Variants in FAM169A observed in about 807,000 individuals in gnomAD.
FAM169A encodes the protein soluble lamin-associated protein of 75 kDa.
Under a neutral mutation model 75.7 loss-of-function variants are expected in FAM169A, and 24 were observed. The ratio of observed to expected loss-of-function variants is 0.32; its 90% CI spans 0.23 to 0.45. The LOEUF (loss-of-function observed/expected upper bound fraction) is 0.45. FAM169A is among the 20% of genes least tolerant of loss of function. The pLI is 1.00. For synonymous variants in FAM169A, 271 were observed against 271.0 expected (o/e 1.00, Z 0.00); for missense variants, 673 against 784.0 (o/e 0.86, Z 1.69).
At chr5:74,813,243 TTGA>T (rs1428082164) in intron 6 of FAM169A, among the ~76,000 whole-genome samples, 9 of 152,294 alleles carry the variant, frequency 5.9e-5, no homozygotes, top group Non-Finnish European at 1.2e-4. Context: ...CTGGCTATGA[TTGA>T]ACAACTATGA....
At chr5:74,843,563 G>A (rs1230819658) in intron 1 of FAM169A, among the ~76,000 whole-genome samples, 1 of 152,000 alleles carries the variant, frequency 6.6e-6, no homozygotes, top group Non-Finnish European at 1.5e-5. Flanking sequence ...CTCATTTGGC[G>A]GGGAAAAGAC....
chr5:74,782,850 A>G lies in FAM169A; in HGVS notation c.1464+81T>C, dbSNP rs1339544179. The G allele has an allele frequency of 1.8e-5, 17 of 960,936 alleles. 1 individual carries two copies. The South Asian group carries it at 2.8e-4, about 16-fold the overall frequency. The allele number at this position is 960,936 out of a possible 1,614,324, so 59.5% of individuals were successfully genotyped here. On this transcript the variant is annotated intron_variant, in intron 12 of 12. Transcript: ENST00000687041. ...CACTGTACATGTAAAGGTGGAAGCA[A>G]ATATATATACCATGCACCCTCCTCG...
At chr5:74,783,162 T>A in intron 11 of FAM169A, 28 bp from the exon 12 acceptor site, 1 of 1,531,320 alleles carries the variant, frequency 6.5e-7, no homozygotes, top group East Asian at 2.3e-5. Flanking sequence ...AGGGAAAAAG[T>A]AAGGACATGA....
intron 10 of FAM169A, chr5:74,799,386 G>T: frequency 5.6e-6 from 9 of 1,612,958 alleles, no homozygotes; most frequent in Non-Finnish European, 8.5e-7. Context: ...AAAATGACTG[G>T]TGGGTGAGCA....
chr5:74,859,250 C>T (rs890397049), intron 1 of FAM169A, among the ~76,000 whole-genome samples: 1 of 149,514 alleles, frequency 6.7e-6, no homozygotes, highest in African/African-American at 2.5e-5. Context: ...ATTTCCCCTA[C>T]ATTAATACAC....
At chr5:74,782,843 G>A in intron 12 of FAM169A, 88 bp downstream of exon 12, 3 of 861,464 alleles carry the variant, frequency 3.5e-6, no homozygotes, top group South Asian at 1.8e-5. Flanking sequence ...ATGTAAAGGT[G>A]GAAGCAAATA....
intron 11 of FAM169A, among the ~76,000 whole-genome samples, chr5:74,787,458 T>G (rs989651425): frequency 1.3e-5 from 2 of 152,160 alleles, no homozygotes; most frequent in African/African-American, 4.8e-5. Context: ...TTAGACCTAC[T>G]CATCCCAGCT....
intron 1 of FAM169A, among the ~76,000 whole-genome samples, chr5:74,851,776 CTTAAA>C (rs1580167277): frequency 6.6e-6 from 1 of 152,116 alleles, no homozygotes; most frequent in Non-Finnish European, 1.5e-5. Context: ...AAAATAAGCA[CTTAAA>C]TTAATAAATC....
intron 5 of FAM169A, among the ~76,000 whole-genome samples, chr5:74,828,122 G>A (rs986518972): frequency 7.2e-5 from 11 of 152,062 alleles, no homozygotes; most frequent in African/African-American, 1.9e-4. Context: ...AAAACCCTTC[G>A]TTATAGCAAT....
chr5:74,839,070 C>G lies in FAM169A; in HGVS notation c.233-20G>C, dbSNP rs765715719. ...CCACAGCTAAAATAGAATAAATAAT[C>G]ATTAACACTTGAGTTTTAAAGTACA... On this transcript the variant is annotated intron_variant, in intron 3 of 12. Transcript: ENST00000687041. 1.1e-5 allele frequency: 17 copies of G among 1,568,082 alleles called. No individual in the cohort carries two copies. In the African/African-American group the frequency reaches 2.3e-4, roughly 21 times the overall value.
At chr5:74,860,575 C>G (rs1580178444) in intron 1 of FAM169A, among the ~76,000 whole-genome samples, 2 of 152,222 alleles carry the variant, frequency 1.3e-5, no homozygotes, top group South Asian at 4.1e-4. Context: ...CCTTGACACT[C>G]AGGACAATCT....
chr5:74,804,579 G>A lies in FAM169A; in HGVS notation c.826C>T (p.Pro276Ser), dbSNP rs1357480084. ...LALSQNEPKR[P>S]MSGEYGPASV... The stretch of plus-strand genomic sequence containing the variant: ...GCAGGACCATATTCTCCAGACATAG[G>A]TCTTTTAGGTTCATTTTGAGAAAGT... Residue 276 changes from proline to serine, a missense_variant, in exon 8 of 13, where the codon CCT becomes TCT. By Grantham distance (74) the Pro-to-Ser change is moderately conservative. Around this residue, in one of 3 missense-constraint regions of FAM169A, gnomAD observed 510 missense variants for 550.9 expected, o/e 0.93. Transcript: ENST00000687041. The A allele has an allele frequency of 6.2e-7, 1 of 1,608,448 alleles. No individual in the cohort carries two copies. The highest frequency in any genetic ancestry group is 1.1e-5 in the South Asian group (1 of 90,198).
In FAM169A at chr5:74,799,182, G is replaced by A. The variant is rs1746435487; in HGVS notation, c.1103+1698C>T. ...TCACAGATATTGACTGGGCTCCCAAGCATGACCACATCGTCACTTGTGGGG... is the reference window on the plus strand; with the variant it reads ...TCACAGATATTGACTGGGCTCCCAAACATGACCACATCGTCACTTGTGGGG... On this transcript the variant is annotated intron_variant, in intron 10 of 12. Coordinates refer to ENST00000687041, the MANE Select transcript of FAM169A (RefSeq NM_001376049.1). The A allele has an allele frequency of 2.6e-6, 3 of 1,171,632 alleles. No homozygotes were observed. The South Asian group carries it at 3.7e-5, about 14-fold the overall frequency. 72.6% of individuals were successfully genotyped at this position (1,171,632 alleles called of 1,614,324 possible). A position where few individuals can be genotyped will look rare whatever the true frequency, so the allele number is the denominator to read the frequency against.
intron 5 of FAM169A, among the ~76,000 whole-genome samples, chr5:74,830,593 C>G (rs1748263299): frequency 6.6e-6 from 1 of 152,206 alleles, no homozygotes; most frequent in African/African-American, 2.4e-5. Flanking sequence ...TAATTCCTAG[C>G]CTTAGAAATG....
intron 11 of FAM169A, among the ~76,000 whole-genome samples, chr5:74,785,300 C>T (rs1435652956): frequency 6.6e-6 from 1 of 152,174 alleles, no homozygotes; most frequent in Non-Finnish European, 1.5e-5. Context: ...GCCTGGGCAA[C>T]AGAGCGAGAC....
At chr5:74,866,592 C>T (rs377045164), upstream of FAM169A, 2 of 575,616 alleles carry the variant, frequency 3.5e-6, no homozygotes, top group African/African-American at 2.0e-5. Flanking sequence ...GCCACCCGCG[C>T]CCCCTCTCTC....
intron 1 of FAM169A, among the ~76,000 whole-genome samples, chr5:74,844,050 G>A (rs545323021): frequency 1.2e-4 from 19 of 152,108 alleles, no homozygotes; most frequent in Non-Finnish European, 2.2e-4. Flanking sequence ...CCAAATATAT[G>A]ACATGGAGTT....
chr5:74,824,002 T>C (rs1431899764), intron 5 of FAM169A, among the ~76,000 whole-genome samples: 2 of 152,168 alleles, frequency 1.3e-5, no homozygotes, highest in Non-Finnish European at 1.5e-5. Context: ...GGGAAGATCA[T>C]GGATATAGCC....
At chr5:74,856,837 C>T (rs1490974289) in intron 1 of FAM169A, among the ~76,000 whole-genome samples, 1 of 150,616 alleles carries the variant, frequency 6.6e-6, no homozygotes, top group African/African-American at 2.4e-5. Context: ...AGGCCAGGTG[C>T]AGTGGCTCAC....
Sources: gnomAD v4.1 joint callset for allele counts (sites outside exome capture counted in the v4.1 genomes callset) on GRCh38, gnomAD v4.1.1 for gene constraint, gnomAD v4.1.1 regional missense constraint, MANE v1.5 for transcripts, NCBI Gene and HGNC (gene_info 2026-07-23, HGNC 2026-07-21) for gene names.